The following GPHN variants were observed in gnomAD, a reference collection of about 807,000 sequenced individuals.
GPHN encodes the protein gephyrin.
In GPHN, 17 loss-of-function variants were observed where a neutral mutation model predicts 95.5. That is an observed-to-expected ratio of 0.18 (90% CI 0.12 to 0.27). The LOEUF (loss-of-function observed/expected upper bound fraction) is 0.27. Among genes scored for constraint, GPHN ranks in the 10% least tolerant of loss-of-function variants. The pLI is 1.00. For missense variants in GPHN, 660 were observed against 978.1 expected (o/e 0.67, Z 4.34); for synonymous variants, 320 against 322.5 (o/e 0.99, Z 0.08).
the GPHN span, chr14:67,562,493 A>G: frequency 6.2e-7 from 1 of 1,613,164 alleles, no homozygotes; most frequent in Non-Finnish European, 8.5e-7. Flanking sequence ...GGGTCTGGTT[A>G]CTGCTCAGAG....
At position 67,104,375 on chromosome 14, in the gene GPHN, A is replaced by T. The variant is rs1312629190; in HGVS notation, c.1293+3464A>T. On this transcript the variant is annotated intron_variant, in intron 13 of 22. Transcript: ENST00000478722. The stretch of plus-strand genomic sequence containing the variant: ...TAGCAGAATAATGCTGACCTCATAG[A>T]TTGAGTTTGGAAGAATTCCTTCCTC... Among the ~76,000 whole-genome samples the T allele has an allele frequency of 9.9e-5, 15 of 152,212 alleles. 1 individual carries two copies. The South Asian group carries it at 2.9e-3, about 29-fold the overall frequency.
At chr14:66,842,659 TTC>T in intron 4 of GPHN, 1 of 1,532,490 alleles carries the variant, frequency 6.5e-7, no homozygotes, top group Non-Finnish European at 8.7e-7. Flanking sequence ...CCCTTTTCTC[TTC>T]TGTTTTTCTG....
At chr14:67,215,965 TA>T in the GPHN span, among the ~76,000 whole-genome samples, 59 of 152,312 alleles carry the variant, frequency 3.9e-4, no homozygotes, top group Non-Finnish European at 6.2e-4. Flanking sequence ...TAATGCCTTT[TA>T]AAAAATTGAT....
At chr14:67,132,427 A>G (rs542261607) in intron 17 of GPHN, among the ~76,000 whole-genome samples, 11 of 152,194 alleles carry the variant, frequency 7.2e-5, no homozygotes, top group Admixed American at 2.6e-4. Context: ...TCAAAATGCA[A>G]AGTTTTCATT....
At chr14:67,112,924 C>A in intron 15 of GPHN, 94 bp from the exon 16 acceptor site, 1 of 1,114,534 alleles carries the variant, frequency 9.0e-7, no homozygotes, top group Non-Finnish European at 1.4e-6. Flanking sequence ...TTTTTGTCTT[C>A]TTGAATGTCC....
downstream of GPHN, among the ~76,000 whole-genome samples, chr14:67,186,598 A>T (rs1376029066): frequency 6.6e-6 from 1 of 152,158 alleles, no homozygotes; most frequent in Non-Finnish European, 1.5e-5. Flanking sequence ...CAGCCCTCTG[A>T]CGAGAGGGCG....
At chr14:66,945,071 T>A (rs1285590170) in intron 8 of GPHN, among the ~76,000 whole-genome samples, 1 of 152,160 alleles carries the variant, frequency 6.6e-6, no homozygotes, top group Non-Finnish European at 1.5e-5. Context: ...TCAAGCCCCA[T>A]GTTGGGCGCC....
the GPHN span, among the ~76,000 whole-genome samples, chr14:67,437,859 G>A: frequency 6.6e-6 from 1 of 152,070 alleles, no homozygotes; most frequent in Non-Finnish European, 1.5e-5. Flanking sequence ...TTGGGAGGAG[G>A]TTTTGCTGGT....
intron 9 of GPHN, among the ~76,000 whole-genome samples, chr14:66,972,810 C>T (rs546664528): frequency 6.6e-4 from 101 of 152,116 alleles, no homozygotes; most frequent in Non-Finnish European, 1.2e-3. Context: ...GTATTTCAAA[C>T]TAGCTTTTTT....
At chr14:67,217,024 A>G in the GPHN span, among the ~76,000 whole-genome samples, 1 of 152,164 alleles carries the variant, frequency 6.6e-6, no homozygotes, top group African/African-American at 2.4e-5. Context: ...GTCCCCAGCT[A>G]TTATTGTATT....
intron 20 of GPHN, among the ~76,000 whole-genome samples, chr14:67,165,984 A>G (rs2082253713): frequency 6.6e-6 from 1 of 152,204 alleles, no homozygotes; most frequent in African/African-American, 2.4e-5. Context: ...TCTTCTGATC[A>G]TTCTGTTCAG....
intron 14 of GPHN, among the ~76,000 whole-genome samples, chr14:67,111,349 T>C (rs1291319098): frequency 6.6e-6 from 1 of 152,178 alleles, no homozygotes; most frequent in South Asian, 2.1e-4. Context: ...TCACAGCCCA[T>C]AAATGTAAAA....
At chr14:67,363,015 C>T in the GPHN span, among the ~76,000 whole-genome samples, 1 of 152,168 alleles carries the variant, frequency 6.6e-6, no homozygotes, top group African/African-American at 2.4e-5. Flanking sequence ...CAAATTAAGC[C>T]TTGCTTCCCC....
chr14:67,380,417 G>A, the GPHN span, among the ~76,000 whole-genome samples: 1 of 152,076 alleles, frequency 6.6e-6, no homozygotes, highest in Admixed American at 6.5e-5. Flanking sequence ...AATATCAGAT[G>A]TGTTAGGCAT....
chr14:67,508,753 C>CAAAA, the GPHN span, among the ~76,000 whole-genome samples: 138 of 46,726 alleles, frequency 3.0e-3, 11 homozygotes, highest in Non-Finnish European at 4.5e-3. Context: ...AACCTTGTCT[C>CAAAA]AAAAAAAAAA....
the GPHN span, among the ~76,000 whole-genome samples, chr14:67,451,290 G>A: frequency 2.0e-5 from 3 of 152,240 alleles, no homozygotes; most frequent in African/African-American, 7.2e-5. Context: ...CCTCCACAGA[G>A]AGTCCCTACT....
At chr14:66,788,966 A>G (rs1461547184) in intron 3 of GPHN, among the ~76,000 whole-genome samples, 1 of 152,210 alleles carries the variant, frequency 6.6e-6, no homozygotes, top group Admixed American at 6.5e-5. Context: ...AATAAAACCT[A>G]TCCAGTTTTA....
At chr14:66,518,121 A>C (rs896511886) in intron 1 of GPHN, among the ~76,000 whole-genome samples, 6 of 141,916 alleles carry the variant, frequency 4.2e-5, no homozygotes, top group South Asian at 4.5e-4. Flanking sequence ...AAATAAATAA[A>C]TAACCCAGAA....
intron 9 of GPHN, among the ~76,000 whole-genome samples, chr14:67,022,280 T>C (rs958224755): frequency 6.6e-6 from 1 of 152,072 alleles, no homozygotes; most frequent in Non-Finnish European, 1.5e-5. Flanking sequence ...TTCCATACTT[T>C]ATTTTCCATT....
Sources: gnomAD v4.1 joint callset for allele counts (sites outside exome capture counted in the v4.1 genomes callset) on GRCh38, gnomAD v4.1.1 for gene constraint, MANE v1.5 for transcripts, NCBI Gene and HGNC (gene_info 2026-07-23, HGNC 2026-07-21) for gene names.